The following ADAM22 variants were observed in gnomAD, a reference collection of about 807,000 sequenced individuals.
The protein encoded by ADAM22 is disintegrin and metalloproteinase domain-containing protein 22.
Under a neutral mutation model 144.6 loss-of-function variants are expected in ADAM22, and 65 were observed. The observed-to-expected ratio is 0.45, with a 90% CI of 0.37 to 0.55. The LOEUF (loss-of-function observed/expected upper bound fraction) is 0.55. ADAM22 is among the 20% of genes least tolerant of loss of function. The probability of loss-of-function intolerance (pLI) is 0.00; values close to 1 mark genes in which losing one functional copy is unlikely to be tolerated. For synonymous variants in ADAM22, 391 were observed against 412.6 expected (o/e 0.95, Z 0.63); for missense variants, 974 against 1,184.9 (o/e 0.82, Z 2.61).
At chr7:87,942,319 T>C (rs948234707) in intron 2 of ADAM22, among the ~76,000 whole-genome samples, 12 of 152,242 alleles carry the variant, frequency 7.9e-5, no homozygotes, top group African/African-American at 2.7e-4. Flanking sequence ...GAATACTTGA[T>C]GTACATTAAT....
At chr7:88,045,898 G>GTGTGTA (rs1348169924) in intron 3 of ADAM22, among the ~76,000 whole-genome samples, 59 of 145,342 alleles carry the variant, frequency 4.1e-4, no homozygotes, top group African/African-American at 1.5e-3. Flanking sequence ...TTGTGTGTGT[G>GTGTGTA]TGTGTGTGTG....
chr7:88,078,574 AT>A (rs1226626403), intron 4 of ADAM22, among the ~76,000 whole-genome samples: 1 of 152,234 alleles, frequency 6.6e-6, no homozygotes, highest in Non-Finnish European at 1.5e-5. Context: ...GTTTGAACCA[AT>A]GGCAAAGAAG....
rs565831984 is a variant in ADAM22 at position 88,095,566 on chromosome 7, C to T, written c.391-12610C>T. ...TCGGCTTGCCTGATGGTAAGCGCAT[C>T]CTCCACACAGAGGCTCACATTCATG... On this transcript the variant is annotated intron_variant, in intron 4 of 31. Transcript: ENST00000413139. Among the ~76,000 whole-genome samples the T allele has an allele frequency of 2.0e-5, 3 of 152,218 alleles. No homozygotes were observed. The East Asian group carries it at 5.8e-4, about 30-fold the overall frequency.
chr7:87,967,543 G>A (rs1406545852), intron 2 of ADAM22, among the ~76,000 whole-genome samples: 1 of 152,060 alleles, frequency 6.6e-6, no homozygotes, highest in East Asian at 1.9e-4. Flanking sequence ...GGGCATGGTG[G>A]CTCATGCCTG....
At chr7:88,002,415 C>T (rs1460601426) in intron 3 of ADAM22, among the ~76,000 whole-genome samples, 1 of 152,126 alleles carries the variant, frequency 6.6e-6, no homozygotes, top group Non-Finnish European at 1.5e-5. Flanking sequence ...ACACTGGGAG[C>T]TGGGTGTGGA....
intron 3 of ADAM22, among the ~76,000 whole-genome samples, chr7:88,051,588 T>G (rs927074266): frequency 1.3e-5 from 2 of 151,980 alleles, no homozygotes; most frequent in African/African-American, 4.8e-5. Context: ...CATTAGGAGA[T>G]ATACCTAATG....
At chr7:87,991,399 GCC>G (rs1381078910) in intron 3 of ADAM22, among the ~76,000 whole-genome samples, 203 of 118,946 alleles carry the variant, frequency 1.7e-3, no homozygotes, top group African/African-American at 6.4e-3. Context: ...TCGCTCTGTC[GCC>G]CAGGCCGGAA....
intron 2 of ADAM22, among the ~76,000 whole-genome samples, chr7:87,960,284 A>G (rs936611219): frequency 6.6e-5 from 10 of 152,104 alleles, no homozygotes; most frequent in African/African-American, 2.4e-4. Flanking sequence ...CTTTCATTTT[A>G]AGCATCATAT....
intron 5 of ADAM22, among the ~76,000 whole-genome samples, chr7:88,110,263 C>T (rs942827543): frequency 1.3e-5 from 2 of 152,154 alleles, no homozygotes; most frequent in Non-Finnish European, 2.9e-5. Context: ...AAGACAAGCA[C>T]ATCTGTCACC....
Position 88,151,456 on chromosome 7 carries a change from G to A in ADAM22, c.1681+136G>A, listed in dbSNP as rs373902633. 33 of 983,544 alleles carry A rather than the reference G, an allele frequency of 3.4e-5. No individual in the cohort carries two copies. In the African/African-American group the frequency reaches 4.4e-4, roughly 13 times the overall value. 60.9% of individuals were successfully genotyped at this position (983,544 alleles called of 1,614,324 possible). A position where few individuals can be genotyped will look rare whatever the true frequency, so the allele number is the denominator to read the frequency against. On this transcript the variant is annotated intron_variant, in intron 20 of 31. Coordinates refer to ENST00000413139, the MANE Select transcript of ADAM22 (RefSeq NM_001324418.2). ...CAAAGCTACCACAGGTCTTAGCAGG[G>A]GCATGTTTCTGGAAATTAGAGTAAG...
At chr7:88,052,216 G>A (rs778932226) in intron 3 of ADAM22, among the ~76,000 whole-genome samples, 8 of 151,768 alleles carry the variant, frequency 5.3e-5, no homozygotes, top group Admixed American at 2.6e-4. Flanking sequence ...AAAAATTCCC[G>A]GCCGGACGCG....
intron 4 of ADAM22, among the ~76,000 whole-genome samples, chr7:88,088,290 A>C (rs1251472491): frequency 1.3e-5 from 2 of 152,180 alleles, no homozygotes; most frequent in Non-Finnish European, 2.9e-5. Context: ...TTCTGTTCAC[A>C]TCTGTCTTCC....
chr7:88,067,467 T>C (rs1811560670), intron 3 of ADAM22, among the ~76,000 whole-genome samples: 1 of 151,512 alleles, frequency 6.6e-6, no homozygotes, highest in African/African-American at 2.4e-5. Flanking sequence ...TGATCAGATA[T>C]GCCAACAGGC....
At chr7:88,100,790 C>T (rs568361358) in intron 4 of ADAM22, among the ~76,000 whole-genome samples, 9 of 152,160 alleles carry the variant, frequency 5.9e-5, no homozygotes, top group East Asian at 1.9e-4. Flanking sequence ...GGTGGGATTA[C>T]AGGTGTAAGC....
chr7:88,095,915 T>TCCCCACCCGCC (rs1821138561), intron 4 of ADAM22, among the ~76,000 whole-genome samples: 1 of 148,200 alleles, frequency 6.7e-6, no homozygotes, highest in Non-Finnish European at 1.5e-5. Context: ...AAATACTCTC[T>TCCCCACCCGCC]CCCCACCCGC....
intron 14 of ADAM22, among the ~76,000 whole-genome samples, chr7:88,142,737 C>T (rs1253233355): frequency 1.3e-5 from 2 of 151,880 alleles, no homozygotes; most frequent in East Asian, 3.9e-4. Flanking sequence ...ACTCGGGAGG[C>T]TGAGGCAGGA....
intron 2 of ADAM22, among the ~76,000 whole-genome samples, chr7:87,971,105 G>T (rs1262013212): frequency 6.6e-6 from 1 of 152,008 alleles, no homozygotes; most frequent in African/African-American, 2.4e-5. Flanking sequence ...AGTTTGTAAG[G>T]TTGTTATCAA....
chr7:88,080,196 T>C (rs1169482834), intron 4 of ADAM22, among the ~76,000 whole-genome samples: 1 of 152,050 alleles, frequency 6.6e-6, no homozygotes, highest in Non-Finnish European at 1.5e-5. Flanking sequence ...AGAAACTCAC[T>C]CAAAACCGCT....
At chr7:87,935,384 C>T (rs1318313469) in intron 2 of ADAM22, among the ~76,000 whole-genome samples, 198 bp downstream of exon 2, 2 of 152,140 alleles carry the variant, frequency 1.3e-5, no homozygotes, top group Non-Finnish European at 2.9e-5. Flanking sequence ...AACCACAGGC[C>T]GAGGGCTTTG....
Sources: allele counts gnomAD v4.1 joint callset (sites outside exome capture counted in the v4.1 genomes callset), GRCh38; gene constraint gnomAD v4.1.1; transcripts MANE v1.5; gene names NCBI Gene and HGNC (gene_info 2026-07-23, HGNC 2026-07-21).